The following CIMIP1 variants were observed in gnomAD, a reference collection of about 807,000 sequenced individuals.
The protein encoded by CIMIP1 is ciliary microtubule inner protein 1.
the CIMIP1 span, chr20:58,150,911 G>A: frequency 2.6e-6 from 4 of 1,546,970 alleles, no homozygotes; most frequent in African/African-American, 4.1e-5. Flanking sequence ...CAGGAGACGC[G>A]AGACGCTGAG....
At chr20:58,159,187 T>TTTC in the CIMIP1 span, among the ~76,000 whole-genome samples, 13 of 147,888 alleles carry the variant, frequency 8.8e-5, 1 homozygote, top group Non-Finnish European at 1.6e-4. Context: ...TTTCTTCTTT[T>TTTC]TTTTTTTTTT....
chr20:58,155,991 G>T, the CIMIP1 span, among the ~76,000 whole-genome samples: 1 of 152,174 alleles, frequency 6.6e-6, no homozygotes, highest in East Asian at 1.9e-4. Context: ...TCCCCTGCCT[G>T]TCTTATACAA....
At chr20:58,157,171 G>A in the CIMIP1 span, among the ~76,000 whole-genome samples, 22 of 152,038 alleles carry the variant, frequency 1.4e-4, no homozygotes, top group Admixed American at 2.6e-4. Flanking sequence ...CACATCCCTT[G>A]ACCTGTAAGA....
At chr20:58,151,180 C>T in the CIMIP1 span, 19 of 717,380 alleles carry the variant, frequency 2.6e-5, no homozygotes, top group African/African-American at 3.4e-4. Context: ...TGGTCAGGGG[C>T]CTTGAGGAAA....
the CIMIP1 span, among the ~76,000 whole-genome samples, chr20:58,152,697 A>T: frequency 1.4e-5 from 2 of 140,940 alleles, no homozygotes; most frequent in African/African-American, 5.4e-5. Flanking sequence ...ACTCCATCCT[A>T]GGCAAAAAAA....
At chr20:58,153,438 T>C in the CIMIP1 span, 5 of 841,562 alleles carry the variant, frequency 5.9e-6, no homozygotes, top group Non-Finnish European at 1.0e-5. Flanking sequence ...CCGTCCCTGG[T>C]GCAGAACCAC....
the CIMIP1 span, among the ~76,000 whole-genome samples, chr20:58,156,437 T>C: frequency 6.6e-6 from 1 of 151,788 alleles, no homozygotes; most frequent in Non-Finnish European, 1.5e-5. Flanking sequence ...CGACAGGAGC[T>C]TGGGTGGAGG....
chr20:58,158,620 A>G, the CIMIP1 span, among the ~76,000 whole-genome samples: 127 of 152,172 alleles, frequency 8.3e-4, 1 homozygote, highest in East Asian at 0.011. Context: ...ACTGCACTCC[A>G]GCCTGGGCGA....
At chr20:58,157,116 C>A in the CIMIP1 span, among the ~76,000 whole-genome samples, 1 of 152,186 alleles carries the variant, frequency 6.6e-6, no homozygotes, top group Non-Finnish European at 1.5e-5. Flanking sequence ...TAGGCTCTTA[C>A]CCATGATTAA....
At chr20:58,159,301 A>G in the CIMIP1 span, among the ~76,000 whole-genome samples, 6 of 149,252 alleles carry the variant, frequency 4.0e-5, no homozygotes, top group Admixed American at 1.4e-4. Context: ...GGATCAACTG[A>G]GGTCAGGAGT....
the CIMIP1 span, chr20:58,161,040 G>A: frequency 4.8e-6 from 2 of 416,174 alleles, no homozygotes; most frequent in South Asian, 7.5e-5. Context: ...CTTGGCTAAT[G>A]TAATGAATAA....
At chr20:58,160,560 C>T in the CIMIP1 span, 5 of 1,325,900 alleles carry the variant, frequency 3.8e-6, no homozygotes, top group East Asian at 1.0e-4. Context: ...GGGAGGCTGG[C>T]TTTTCTTTCT....
the CIMIP1 span, among the ~76,000 whole-genome samples, chr20:58,153,324 A>T: frequency 6.6e-6 from 1 of 152,148 alleles, no homozygotes; most frequent in African/African-American, 2.4e-5. Context: ...ATTCCCTCTC[A>T]GCCGTAACAG....
the CIMIP1 span, chr20:58,153,698 T>C: frequency 6.9e-5 from 78 of 1,130,210 alleles, no homozygotes; most frequent in African/African-American, 1.1e-3. Context: ...ACAAAGTCTA[T>C]CACTTGCAAG....
chr20:58,152,216 T>C, the CIMIP1 span, among the ~76,000 whole-genome samples: 28 of 152,126 alleles, frequency 1.8e-4, no homozygotes, highest in African/African-American at 6.8e-4. Flanking sequence ...CAATAGGAGA[T>C]GCTGCCACAG....
chr20:58,152,171 C>A, the CIMIP1 span, among the ~76,000 whole-genome samples: 1 of 152,124 alleles, frequency 6.6e-6, no homozygotes, highest in Non-Finnish European at 1.5e-5. Flanking sequence ...ATAAAATACA[C>A]AACTATTTTT....
chr20:58,154,022 G>A, the CIMIP1 span, among the ~76,000 whole-genome samples: 14 of 152,220 alleles, frequency 9.2e-5, no homozygotes, highest in Non-Finnish European at 1.5e-4. Flanking sequence ...AAAGTGGGAT[G>A]AGAGTCCTCA....
At chr20:58,151,979 A>G in the CIMIP1 span, among the ~76,000 whole-genome samples, 4 of 152,220 alleles carry the variant, frequency 2.6e-5, no homozygotes, top group African/African-American at 9.7e-5. Flanking sequence ...TGTAGTAACA[A>G]TAAAACATAC....
At chr20:58,156,432 G>A in the CIMIP1 span, among the ~76,000 whole-genome samples, 1 of 152,192 alleles carries the variant, frequency 6.6e-6, no homozygotes, top group Non-Finnish European at 1.5e-5. Flanking sequence ...CGATGCGACA[G>A]GAGCTTGGGT....
Sources: gnomAD v4.1 joint callset for allele counts (sites outside exome capture counted in the v4.1 genomes callset) on GRCh38, gnomAD v4.1.1 for gene constraint, MANE v1.5 for transcripts, NCBI Gene and HGNC (gene_info 2026-07-23, HGNC 2026-07-21) for gene names.